The following TEX11 variants were observed in gnomAD, a reference collection of about 807,000 sequenced individuals.
TEX11 encodes testis expressed 11.
Under a neutral mutation model 84.4 loss-of-function variants are expected in TEX11, and 7 were observed. The ratio of observed to expected loss-of-function variants is 0.08; its 90% CI spans 0.05 to 0.16. TEX11 has a LOEUF of 0.16. Among genes scored for constraint, TEX11 ranks in the 10% least tolerant of loss-of-function variants. TEX11 has a pLI of 1.00. For synonymous variants in TEX11, 264 were observed against 222.8 expected (o/e 1.18, Z -1.64); for missense variants, 551 against 660.5 (o/e 0.83, Z 1.82).
At chrX:70,642,933 G>A (rs1449249614) in intron 17 of TEX11, among the ~76,000 whole-genome samples, 1 of 41,937 alleles carries the variant, frequency 2.4e-5, no homozygotes, top group African/African-American at 8.9e-5. Context: ...AATTAGGCAG[G>A]AGAAGGAAAT....
At chrX:70,574,050 A>G (rs906034862) in intron 25 of TEX11, among the ~76,000 whole-genome samples, 19 of 112,112 alleles carry the variant, frequency 1.7e-4, no homozygotes, top group African/African-American at 6.1e-4. Context: ...GCAATGACCT[A>G]CAAAAACTAA....
chrX:70,842,624 C>T (rs1332240902), intron 7 of TEX11, among the ~76,000 whole-genome samples: 3 of 111,564 alleles, frequency 2.7e-5, no homozygotes, highest in Non-Finnish European at 5.6e-5. Flanking sequence ...GTTGGAAGTG[C>T]TGGCCAAGGC....
At chrX:70,679,248 G>A (rs1055179962) in intron 14 of TEX11, among the ~76,000 whole-genome samples, 2 of 111,883 alleles carry the variant, frequency 1.8e-5, no homozygotes, top group Admixed American at 1.9e-4. Flanking sequence ...GTGCTCAATG[G>A]TGCCCAGGCT....
chrX:70,519,409 A>T, the TEX11 span, among the ~76,000 whole-genome samples: 1 of 111,904 alleles, frequency 8.9e-6, no homozygotes, highest in Non-Finnish European at 1.9e-5. Flanking sequence ...TGGGTTGAAA[A>T]TTCTTTTCTT....
At chrX:70,718,963 C>A (rs2090531932) in intron 13 of TEX11, among the ~76,000 whole-genome samples, 1 of 111,428 alleles carries the variant, frequency 9.0e-6, no homozygotes, top group Non-Finnish European at 1.9e-5. Flanking sequence ...AGGTGTTGAT[C>A]CTGAAAGAAC....
chrX:70,813,293 C>T (rs918610075), intron 8 of TEX11, among the ~76,000 whole-genome samples: 1 of 111,920 alleles, frequency 8.9e-6, no homozygotes, highest in African/African-American at 3.2e-5. Flanking sequence ...GCTGGTTCAA[C>T]ATACGCAAAT....
At chrX:70,564,903 C>A (rs1198459460) in intron 25 of TEX11, among the ~76,000 whole-genome samples, 2 of 109,798 alleles carry the variant, frequency 1.8e-5, no homozygotes, top group Non-Finnish European at 3.8e-5. Flanking sequence ...GATTTATAGT[C>A]CTTTGGGTAT....
chrX:70,813,098 G>A (rs1010978832), intron 8 of TEX11, among the ~76,000 whole-genome samples: 2 of 111,529 alleles, frequency 1.8e-5, no homozygotes, highest in Non-Finnish European at 3.8e-5. Context: ...CTCATTTCAT[G>A]AGGCCAGCAT....
At chrX:70,796,632 A>C (rs767701817) in intron 9 of TEX11, among the ~76,000 whole-genome samples, 62 of 112,304 alleles carry the variant, frequency 5.5e-4, no homozygotes, top group African/African-American at 2.0e-3. Flanking sequence ...AAACTAAAGA[A>C]CTGCTGCACA....
intron 9 of TEX11, among the ~76,000 whole-genome samples, chrX:70,805,396 A>G (rs1602142353): frequency 1.9e-5 from 2 of 103,272 alleles, no homozygotes; most frequent in East Asian, 3.0e-4. Flanking sequence ...TCCATGATCC[A>G]TTTTTTTTTC....
intron 15 of TEX11, among the ~76,000 whole-genome samples, chrX:70,674,954 AC>A (rs1248517557): frequency 4.6e-5 from 5 of 109,757 alleles, no homozygotes; most frequent in Non-Finnish European, 7.6e-5. Flanking sequence ...TTTAAAAAAA[AC>A]TCTTTGTTTT....
intron 25 of TEX11, 132 bp downstream of exon 25, chrX:70,591,619 C>T (rs1256972346): frequency 2.1e-6 from 1 of 468,346 alleles, no homozygotes. Context: ...ACAAACAAAA[C>T]AACAGAAAAA....
intron 24 of TEX11, among the ~76,000 whole-genome samples, chrX:70,599,162 T>C (rs1268937567): frequency 2.7e-5 from 3 of 110,258 alleles, no homozygotes; most frequent in African/African-American, 9.9e-5. Flanking sequence ...CATATACAAA[T>C]AAAAGAAAAG....
At chrX:70,851,410 T>G (rs1416716011) in intron 7 of TEX11, among the ~76,000 whole-genome samples, 1 of 111,813 alleles carries the variant, frequency 8.9e-6, no homozygotes, top group Non-Finnish European at 1.9e-5. Context: ...AGAATGAAGT[T>G]AGACCACTAC....
intron 25 of TEX11, among the ~76,000 whole-genome samples, chrX:70,587,195 G>A (rs1033474871): frequency 1.8e-5 from 2 of 112,370 alleles, no homozygotes; most frequent in Non-Finnish European, 3.8e-5. Context: ...ATTTTCTGGG[G>A]AGAAATTCAA....
At chrX:70,523,357 T>C in the TEX11 span, among the ~76,000 whole-genome samples, 4 of 111,197 alleles carry the variant, frequency 3.6e-5, no homozygotes. Context: ...CCTGGACAAA[T>C]TGTATGTCAG....
chrX:70,892,424 C>T (rs1422805954), intron 2 of TEX11, among the ~76,000 whole-genome samples: 2 of 111,974 alleles, frequency 1.8e-5, no homozygotes, highest in African/African-American at 6.5e-5. Context: ...TGTAAATGGG[C>T]TAAATGCCCC....
intron 8 of TEX11, among the ~76,000 whole-genome samples, chrX:70,824,288 G>A (rs188539101): frequency 3.4e-4 from 38 of 111,938 alleles, no homozygotes; most frequent in Admixed American, 2.1e-3. Context: ...ACTCAGAAGC[G>A]AATGCTGTGG....
chrX:70,872,279 G>A (rs2091633745), intron 4 of TEX11, among the ~76,000 whole-genome samples: 1 of 112,346 alleles, frequency 8.9e-6, no homozygotes, highest in Non-Finnish European at 1.9e-5. Context: ...TAAAGAGCTA[G>A]AACTGTTCTC....
Sources: allele counts gnomAD v4.1 joint callset (sites outside exome capture counted in the v4.1 genomes callset), GRCh38; gene constraint gnomAD v4.1.1; transcripts MANE v1.5; gene names NCBI Gene and HGNC (gene_info 2026-07-23, HGNC 2026-07-21).